MYO18B: variants seen among roughly 807,000 people sequenced by gnomAD.
The protein encoded by MYO18B is unconventional myosin-XVIIIb.
A neutral mutation model predicts 273.0 loss-of-function variants in MYO18B; 204 were observed. The ratio of observed to expected loss-of-function variants is 0.75; its 90% CI spans 0.67 to 0.84. The LOEUF is 0.84. Ranked by LOEUF, MYO18B falls within the 40% of genes least tolerant of loss-of-function variation. The pLI is 0.00. For missense variants in MYO18B, 3,212 were observed against 3,287.6 expected (o/e 0.98, Z 0.56); for synonymous variants, 1,330 against 1,305.7 (o/e 1.02, Z -0.40).
intron 39 of MYO18B, among the ~76,000 whole-genome samples, chr22:25,969,630 C>G (rs1259554217): frequency 2.0e-5 from 3 of 151,836 alleles, no homozygotes. Context: ...TACCTTTGCC[C>G]TAGAACATTG....
At chr22:25,869,688 G>T (rs553091595) in intron 22 of MYO18B, among the ~76,000 whole-genome samples, 1 of 152,162 alleles carries the variant, frequency 6.6e-6, no homozygotes, top group African/African-American at 2.4e-5. Flanking sequence ...GGCATTATTG[G>T]CTATTTGTAC....
chr22:25,789,925 G>A (rs1262193620), intron 11 of MYO18B, among the ~76,000 whole-genome samples: 1 of 152,230 alleles, frequency 6.6e-6, no homozygotes, highest in African/African-American at 2.4e-5. Flanking sequence ...GGCCAAGGCA[G>A]GCGGATCACC....
In MYO18B at chr22:26,004,763, G is replaced by A. The variant is rs775740561; in HGVS notation, c.6378G>A (p.Gln2126=). 2 of 1,613,920 alleles carry A rather than the reference G, an allele frequency of 1.2e-6. No individual in the cohort carries two copies. Among genetic ancestry groups the A allele is most frequent in the East Asian group, 4.5e-5 (2 of 44,892 alleles). ...GCTCCCAGCCAGAGGGCAGCCTGCA[G>A]TCCTGGTTGAGCTGTACTCTGTCCC... ...ILSSQPEGSL[Q]SWLSCTLSLA... is the part of the protein sequence containing the mutation. Residue 2126 remains glutamine, a synonymous_variant, in exon 42 of 44, where the codon CAG becomes CAA. Transcript: ENST00000335473.
chr22:25,828,756 C>G lies in MYO18B; in HGVS notation c.2787-20C>G. Reference sequence around the variant, plus strand: ...ATTCCATGCCATCTCAGACATTCCACCTCTCTCTTCTCTCCCTAGATCCTT... The same window carrying G: ...ATTCCATGCCATCTCAGACATTCCAGCTCTCTCTTCTCTCCCTAGATCCTT... On this transcript the variant is annotated intron_variant, in intron 14 of 43. Coordinates refer to ENST00000335473, the MANE Select transcript of MYO18B (RefSeq NM_032608.7). 1 of 1,605,474 alleles carries G rather than the reference C, an allele frequency of 6.2e-7. No homozygotes were observed. The highest frequency in any genetic ancestry group is 2.2e-5 in the East Asian group (1 of 44,730).
chr22:25,944,846 CAAAA>C (rs55989904), intron 34 of MYO18B, among the ~76,000 whole-genome samples: 64 of 75,628 alleles, frequency 8.5e-4, no homozygotes, highest in Non-Finnish European at 9.3e-4. Context: ...GACTCCATCT[CAAAA>C]AAAAAAAAAA....
At chr22:25,896,766 A>C (rs934379031) in intron 28 of MYO18B, 3 of 152,170 alleles carry the variant, frequency 2.0e-5, no homozygotes, top group African/African-American at 4.8e-5. Context: ...GGAAAAAAAC[A>C]AAAAGCCCTG....
intron 33 of MYO18B, among the ~76,000 whole-genome samples, chr22:25,912,973 A>G (rs1261547847): frequency 1.3e-5 from 2 of 152,222 alleles, no homozygotes; most frequent in Admixed American, 1.3e-4. Flanking sequence ...TCTACACAGC[A>G]TTCATTTTTT....
intron 34 of MYO18B, among the ~76,000 whole-genome samples, chr22:25,937,345 A>G (rs1413237118): frequency 2.0e-5 from 3 of 152,098 alleles, no homozygotes; most frequent in Non-Finnish European, 4.4e-5. Flanking sequence ...CGGCCTCCCA[A>G]AGATCTGGGA....
At chr22:25,864,689 G>A (rs1250337559) in intron 21 of MYO18B, among the ~76,000 whole-genome samples, 1 of 152,172 alleles carries the variant, frequency 6.6e-6, no homozygotes. Context: ...TTCTTCCTCT[G>A]TAAAATGGGC....
In MYO18B at chr22:25,902,660, A is replaced by C. The variant is rs775287373; in HGVS notation, c.4871A>C (p.Lys1624Thr). 1.2e-6 allele frequency: 2 copies of C among 1,602,836 alleles called. No individual in the cohort carries two copies. Among genetic ancestry groups the C allele is most frequent in the East Asian group, 4.5e-5 (2 of 44,498 alleles). Residue 1624 changes from lysine to threonine, a missense_variant, in exon 30 of 44, where the codon AAG (lysine) becomes ACG (threonine). Coordinates refer to ENST00000335473, the MANE Select transcript of MYO18B (RefSeq NM_032608.7). ...GCCCTAGGTGAGTCAGTGTTTGAGA[A>C]GGGTCTCCGTGAGAAAGTGACCCAG... ...AQALGESVFE[K>T]GLREKVTQEN...
At chr22:25,834,106 C>T (rs1020573173) in intron 16 of MYO18B, among the ~76,000 whole-genome samples, 1 of 151,956 alleles carries the variant, frequency 6.6e-6, no homozygotes, top group African/African-American at 2.4e-5. Flanking sequence ...GGGGTAGTCT[C>T]CAGGGCCTGT....
chr22:25,862,299 C>T (rs1038905399), intron 21 of MYO18B, among the ~76,000 whole-genome samples: 2 of 152,072 alleles, frequency 1.3e-5, no homozygotes, highest in Non-Finnish European at 2.9e-5. Context: ...AAAAAATCAA[C>T]AATAAAGCTT....
chr22:25,750,038 C>G (rs2085889434), intron 1 of MYO18B, among the ~76,000 whole-genome samples: 1 of 152,206 alleles, frequency 6.6e-6, no homozygotes, highest in African/African-American at 2.4e-5. Flanking sequence ...CTACAGGCCT[C>G]AAAGCTCAGA....
chr22:25,986,407 A>C (rs1248108511), intron 39 of MYO18B, among the ~76,000 whole-genome samples: 1 of 152,212 alleles, frequency 6.6e-6, no homozygotes, highest in Admixed American at 6.5e-5. Context: ...ATTGCCTGAT[A>C]TCTTACCACA....
Position 25,882,363 on chromosome 22 carries a change from A to G in MYO18B, c.4314+4315A>G, listed in dbSNP as rs557236332. The stretch of plus-strand genomic sequence containing the variant: ...GACATATTGCATGTAGATTGAAAAA[A>G]AAAAAAGAAACACCTGTTACATGAG... On this transcript the variant is annotated intron_variant, in intron 25 of 43. Transcript: ENST00000335473. 3.4e-4 allele frequency among the ~76,000 whole-genome samples: 52 copies of G among 152,136 alleles called. 1 individual carries two copies. Among genetic ancestry groups the G allele is most frequent in the African/African-American group, 1.3e-3 (52 of 41,508 alleles).
chr22:25,876,322 G>T lies in MYO18B; in HGVS notation c.4214G>T (p.Arg1405Leu). 1.9e-6 allele frequency: 3 copies of T among 1,610,772 alleles called. No individual in the cohort carries two copies. Among genetic ancestry groups the T allele is most frequent in the Admixed American group, 1.7e-5 (1 of 59,724 alleles). ...LSATIGTEQL[R>L]AKEEELTTLR... ...GCCACCATTGGAACTGAGCAGCTCC[G>T]AGCCAAGGAGGTCAGTCTATGTGGC... Residue 1405 changes from arginine to leucine, a missense_variant, in exon 24 of 44, where the codon CGA becomes CTA. Coordinates refer to ENST00000335473, the MANE Select transcript of MYO18B (RefSeq NM_032608.7).
chr22:25,766,004 A>G (rs1186466164), intron 3 of MYO18B, among the ~76,000 whole-genome samples: 1 of 152,240 alleles, frequency 6.6e-6, no homozygotes, highest in African/African-American at 2.4e-5. Flanking sequence ...GCTGAGCACC[A>G]GCTGAACCTC....
chr22:25,765,410 T>C (rs992374290), intron 3 of MYO18B, among the ~76,000 whole-genome samples: 1 of 152,140 alleles, frequency 6.6e-6, no homozygotes, highest in Non-Finnish European at 1.5e-5. Context: ...ATCCATCCCA[T>C]TTTGCAGGAA....
intron 34 of MYO18B, among the ~76,000 whole-genome samples, chr22:25,930,519 T>A (rs950203476): frequency 1.3e-5 from 2 of 151,636 alleles, no homozygotes; most frequent in African/African-American, 4.9e-5. Flanking sequence ...TTAATTTTTT[T>A]TTTTATTTTG....
Sources: allele counts gnomAD v4.1 joint callset (sites outside exome capture counted in the v4.1 genomes callset), GRCh38; gene constraint gnomAD v4.1.1; transcripts MANE v1.5; gene names NCBI Gene and HGNC (gene_info 2026-07-23, HGNC 2026-07-21).